The following CTNNA2 variants were observed in gnomAD, a reference collection of about 807,000 sequenced individuals.
CTNNA2 encodes the protein catenin alpha-2.
CTNNA2 carries 42 observed loss-of-function variants against 101.0 expected under a neutral mutation model. The ratio of observed to expected loss-of-function variants is 0.42; its 90% CI spans 0.32 to 0.54. CTNNA2 has a LOEUF of 0.54. CTNNA2 is among the 20% of genes least tolerant of loss of function. The probability of loss-of-function intolerance (pLI) is 0.14; values close to 1 mark genes in which losing one functional copy is unlikely to be tolerated. For missense variants in CTNNA2, 871 were observed against 1,223.1 expected, an observed-to-expected ratio of 0.71 and a Z score of 4.29; for synonymous variants, 450 against 456.4, an observed-to-expected ratio of 0.99 and a Z score of 0.18.
intron 7 of CTNNA2, among the ~76,000 whole-genome samples, chr2:80,204,712 G>A (rs2149024404): frequency 6.6e-6 from 1 of 151,968 alleles, no homozygotes; most frequent in East Asian, 1.9e-4. Flanking sequence ...TTCCAAAGTA[G>A]CTTCCATGTT....
chr2:80,238,661 T>TA (rs1463747937), intron 7 of CTNNA2, among the ~76,000 whole-genome samples: 2 of 152,162 alleles, frequency 1.3e-5, no homozygotes, highest in Non-Finnish European at 2.9e-5. Flanking sequence ...TCTTTGCTTA[T>TA]GAAACATCCT....
intron 4 of CTNNA2, among the ~76,000 whole-genome samples, chr2:79,467,054 AGG>A (rs1670945367): frequency 6.6e-6 from 1 of 152,250 alleles, no homozygotes; most frequent in Non-Finnish European, 1.5e-5. Flanking sequence ...TGAGAGAAGA[AGG>A]CTTCAGATGA....
At chr2:80,397,081 A>G (rs1308678114) in intron 8 of CTNNA2, among the ~76,000 whole-genome samples, 1 of 152,240 alleles carries the variant, frequency 6.6e-6, no homozygotes, top group East Asian at 1.9e-4. Flanking sequence ...TCCAAGTAGT[A>G]CTACAGAAAA....
intron 7 of CTNNA2, among the ~76,000 whole-genome samples, chr2:79,957,652 C>A (rs569151111): frequency 6.6e-6 from 1 of 152,180 alleles, no homozygotes; most frequent in Admixed American, 6.5e-5. Flanking sequence ...TTTGCTCTGA[C>A]CTCTGTGTCA....
At chr2:79,366,493 A>G (rs1677754169) in intron 3 of CTNNA2, among the ~76,000 whole-genome samples, 1 of 152,220 alleles carries the variant, frequency 6.6e-6, no homozygotes, top group African/African-American at 2.4e-5. Flanking sequence ...CCAAAAGAAG[A>G]ATAAGACGGA....
chr2:79,515,270 G>T (rs1671747645), intron 1 of CTNNA2, among the ~76,000 whole-genome samples: 1 of 152,178 alleles, frequency 6.6e-6, no homozygotes, highest in Admixed American at 6.5e-5. Flanking sequence ...TGTTTTCCTT[G>T]TTGGTGTTCC....
chr2:79,346,095 A>G (rs145138330), intron 3 of CTNNA2, among the ~76,000 whole-genome samples: 14 of 152,246 alleles, frequency 9.2e-5, no homozygotes, highest in African/African-American at 3.4e-4. Flanking sequence ...AGTCTATTAA[A>G]GTTGGTCAGA....
chr2:79,230,009 T>C (rs1163208185), intron 2 of CTNNA2, among the ~76,000 whole-genome samples: 1 of 152,216 alleles, frequency 6.6e-6, no homozygotes, highest in Admixed American at 6.6e-5. Context: ...TTGGGTGCTG[T>C]TAAAGCCATT....
At chr2:79,245,255 A>G (rs2082626) in intron 2 of CTNNA2, among the ~76,000 whole-genome samples, 104,193 of 152,040 alleles carry the variant, frequency 0.69, 36,129 homozygotes, top group East Asian at 0.85. Flanking sequence ...GTTCAGGAGC[A>G]GCCTGGCCAA....
At chr2:80,372,369 T>A (rs1278822963) in intron 7 of CTNNA2, among the ~76,000 whole-genome samples, 2 of 134,646 alleles carry the variant, frequency 1.5e-5, no homozygotes, top group African/African-American at 5.2e-5. Context: ...TTAGAGAAGT[T>A]TTTTTTTTTT....
At chr2:80,087,033 C>T (rs1243139667) in intron 7 of CTNNA2, among the ~76,000 whole-genome samples, 1 of 151,982 alleles carries the variant, frequency 6.6e-6, no homozygotes, top group Non-Finnish European at 1.5e-5. Context: ...CATGCATGCC[C>T]TAATCCTATT....
At chr2:79,582,383 A>G (rs979639317) in intron 1 of CTNNA2, among the ~76,000 whole-genome samples, 1 of 152,158 alleles carries the variant, frequency 6.6e-6, no homozygotes, top group Non-Finnish European at 1.5e-5. Flanking sequence ...TACCATATAC[A>G]TATCATATAG....
At chr2:80,359,188 C>A (rs1674144837) in intron 7 of CTNNA2, among the ~76,000 whole-genome samples, 1 of 151,990 alleles carries the variant, frequency 6.6e-6, no homozygotes, top group South Asian at 2.1e-4. Context: ...CCAGCCTGGG[C>A]AATATGGCAG....
intron 12 of CTNNA2, among the ~76,000 whole-genome samples, chr2:80,558,443 GGTGTGT>G (rs71931933): frequency 6.8e-6 from 1 of 147,584 alleles, no homozygotes; most frequent in Admixed American, 6.7e-5. Context: ...AAGTTTTGTT[GGTGTGT>G]GTGTGTGTGT....
intron 3 of CTNNA2, among the ~76,000 whole-genome samples, chr2:79,344,475 A>C (rs11886884): frequency 6.6e-6 from 1 of 151,990 alleles, no homozygotes; most frequent in Non-Finnish European, 1.5e-5. Context: ...AAAGTTTCAC[A>C]TAATAGGTCT....
At chr2:79,265,074 G>A (rs141952223) in intron 2 of CTNNA2, among the ~76,000 whole-genome samples, 8 of 152,086 alleles carry the variant, frequency 5.3e-5, no homozygotes, top group African/African-American at 1.7e-4. Context: ...ATATTAACAT[G>A]CTTCCAGTGT....
intron 4 of CTNNA2, among the ~76,000 whole-genome samples, chr2:79,465,549 T>C (rs184658744): frequency 0.015 from 2,276 of 152,344 alleles, 21 homozygotes; most frequent in Non-Finnish European, 0.02. Flanking sequence ...GGGGATGGCA[T>C]TGAATCTATA....
intron 4 of CTNNA2, among the ~76,000 whole-genome samples, chr2:79,385,002 T>G (rs1678081958): frequency 6.6e-6 from 1 of 152,228 alleles, no homozygotes; most frequent in Admixed American, 6.5e-5. Flanking sequence ...TATCACAGAA[T>G]GCTATGCAAT....
chr2:80,106,661 C>T (rs1219360900), intron 7 of CTNNA2, among the ~76,000 whole-genome samples: 1 of 152,154 alleles, frequency 6.6e-6, no homozygotes, highest in Non-Finnish European at 1.5e-5. Context: ...TTCCAAGAAC[C>T]TCCACCTTTA....
Sources: gnomAD v4.1 joint callset for allele counts (sites outside exome capture counted in the v4.1 genomes callset) on GRCh38, gnomAD v4.1.1 for gene constraint, MANE v1.5 for transcripts, NCBI Gene and HGNC (gene_info 2026-07-23, HGNC 2026-07-21) for gene names.